Variants in RGS6 observed in about 807,000 individuals in gnomAD.
The protein encoded by RGS6 is regulator of G-protein signaling 6.
In RGS6, 30 loss-of-function variants were observed where a neutral mutation model predicts 78.5. The observed-to-expected ratio is 0.38, with a 90% CI of 0.29 to 0.52. RGS6 has a LOEUF of 0.52. Ranked by LOEUF, RGS6 falls within the 20% of genes least tolerant of loss-of-function variation. RGS6 has a pLI of 0.85. For synonymous variants in RGS6, 206 were observed against 206.0 expected (o/e 1.00, Z 0.00); for missense variants, 495 against 609.7 (o/e 0.81, Z 1.98).
At chr14:72,247,524 A>G (rs1460886970) in intron 2 of RGS6, among the ~76,000 whole-genome samples, 1 of 152,212 alleles carries the variant, frequency 6.6e-6, no homozygotes, top group Non-Finnish European at 1.5e-5. Flanking sequence ...AGAGGCACAC[A>G]AGGAGAGATA....
chr14:72,112,108 G>A (rs1236201734), intron 2 of RGS6, among the ~76,000 whole-genome samples: 2 of 152,180 alleles, frequency 1.3e-5, no homozygotes, highest in African/African-American at 4.8e-5. Flanking sequence ...GATGGTCCCT[G>A]TCACATTAGC....
intron 2 of RGS6, among the ~76,000 whole-genome samples, chr14:72,342,725 CAAAAAAAA>C (rs58717636): frequency 1.4e-5 from 1 of 71,412 alleles, no homozygotes; most frequent in African/African-American, 5.9e-5. Context: ...GGCTTTGTCT[CAAAAAAAA>C]AAAAAAAAAA....
intron 2 of RGS6, among the ~76,000 whole-genome samples, chr14:72,114,569 A>G (rs528287389): frequency 5.3e-5 from 8 of 152,352 alleles, no homozygotes; most frequent in South Asian, 2.1e-4. Context: ...CCTAGAACAC[A>G]GTATGCCAGC....
chr14:72,475,754 A>G (rs1343137226), intron 10 of RGS6, among the ~76,000 whole-genome samples: 1 of 151,676 alleles, frequency 6.6e-6, no homozygotes, highest in Non-Finnish European at 1.5e-5. Context: ...AAGAGTGGAG[A>G]TGTGTCCCCA....
intron 1 of RGS6, among the ~76,000 whole-genome samples, chr14:71,958,183 A>G (rs2092933992): frequency 6.6e-6 from 1 of 152,138 alleles, no homozygotes; most frequent in Non-Finnish European, 1.5e-5. Flanking sequence ...GGAAACACAG[A>G]TTAGTTGAGG....
the RGS6 span, among the ~76,000 whole-genome samples, chr14:71,871,075 C>T: frequency 8.5e-5 from 13 of 152,170 alleles, no homozygotes; most frequent in African/African-American, 3.1e-4. Flanking sequence ...ACTTGTGGCA[C>T]AGAATGGAAC....
At chr14:72,169,738 C>G (rs1410411956) in intron 2 of RGS6, among the ~76,000 whole-genome samples, 1 of 152,192 alleles carries the variant, frequency 6.6e-6, no homozygotes, top group African/African-American at 2.4e-5. Context: ...CAATGGGATG[C>G]TAGTGGAGGT....
In RGS6 at chr14:72,518,396, T is replaced by C. The variant is rs777923586; in HGVS notation, c.1137T>C (p.Asp379=). ...ATCTTAAGAAACAACCCCTACAGGA[T>C]GTGGCCAAGAGGGTAGAAGAAATCT... is the stretch of plus-strand genomic sequence containing the variant. ...VQDLKKQPLQ[D]VAKRVEEIWQ... The change falls in exon 15 of 18, where the codon GAT becomes GAC. Residue 379 remains aspartate, a synonymous_variant. Transcript: ENST00000553525. 6.2e-7 allele frequency: 1 copy of C among 1,614,166 alleles called. No homozygotes were observed. The highest frequency in any genetic ancestry group is 8.5e-7 in the Non-Finnish European group (1 of 1,180,016).
chr14:72,547,412 C>T (rs1262702033), intron 17 of RGS6: 2 of 1,244,098 alleles, frequency 1.6e-6, no homozygotes, highest in African/African-American at 1.6e-5. Context: ...AAAATGAGCT[C>T]CTGGTGGAAA....
chr14:72,092,001 CTTTTGTTTTG>C (rs10595733), intron 2 of RGS6, among the ~76,000 whole-genome samples: 93,973 of 150,596 alleles, frequency 0.62, 29,650 homozygotes, highest in Admixed American at 0.7. Context: ...TAGCTTCAGC[CTTTTGTTTTG>C]TTTTGTTTTG....
At chr14:72,544,104 A>G (rs1319022191) in intron 17 of RGS6, among the ~76,000 whole-genome samples, 2 of 152,124 alleles carry the variant, frequency 1.3e-5, no homozygotes, top group Admixed American at 1.3e-4. Context: ...GGGCCTCACC[A>G]AAGAGGGCCT....
At chr14:72,097,356 C>A (rs569658539) in intron 2 of RGS6, among the ~76,000 whole-genome samples, 177 of 151,702 alleles carry the variant, frequency 1.2e-3, no homozygotes, top group African/African-American at 4.3e-3. Context: ...CAGCATCTTT[C>A]TTTGTGCCAA....
At chr14:72,128,811 G>A (rs572189278) in intron 2 of RGS6, among the ~76,000 whole-genome samples, 6 of 152,286 alleles carry the variant, frequency 3.9e-5, no homozygotes, top group African/African-American at 1.4e-4. Context: ...CAACGTATGC[G>A]TGTGCATCTT....
chr14:71,950,184 C>G (rs1358780118), intron 1 of RGS6, among the ~76,000 whole-genome samples: 2 of 152,164 alleles, frequency 1.3e-5, no homozygotes, highest in Non-Finnish European at 2.9e-5. Context: ...AACTATACTA[C>G]AAAGTGACAG....
the RGS6 span, among the ~76,000 whole-genome samples, chr14:71,891,500 AC>A: frequency 6.6e-6 from 1 of 152,188 alleles, no homozygotes; most frequent in Admixed American, 6.5e-5. Flanking sequence ...CTGATTTCTT[AC>A]ATGGCAACTG....
At chr14:72,269,991 AG>A (rs1375734627) in intron 2 of RGS6, among the ~76,000 whole-genome samples, 4 of 152,210 alleles carry the variant, frequency 2.6e-5, no homozygotes, top group Admixed American at 6.5e-5. Context: ...TACGTTTTGA[AG>A]GGGGGATACA....
At chr14:72,531,112 G>A (rs1223116846) in intron 15 of RGS6, among the ~76,000 whole-genome samples, 1 of 152,178 alleles carries the variant, frequency 6.6e-6, no homozygotes, top group Non-Finnish European at 1.5e-5. Context: ...GAATACGTCT[G>A]GACTATCCAA....
chr14:72,241,590 A>G (rs945344169), intron 2 of RGS6, among the ~76,000 whole-genome samples: 1 of 152,280 alleles, frequency 6.6e-6, no homozygotes, highest in Non-Finnish European at 1.5e-5. Flanking sequence ...AGATCACACA[A>G]TGTTATGGTT....
At chr14:72,101,230 A>G (rs2095521309) in intron 2 of RGS6, among the ~76,000 whole-genome samples, 1 of 152,218 alleles carries the variant, frequency 6.6e-6, no homozygotes, top group Non-Finnish European at 1.5e-5. Context: ...ATTTGTGGCC[A>G]GGTCTGACAG....
Sources: gnomAD v4.1 joint callset for allele counts (sites outside exome capture counted in the v4.1 genomes callset) on GRCh38, gnomAD v4.1.1 for gene constraint, MANE v1.5 for transcripts, NCBI Gene and HGNC (gene_info 2026-07-23, HGNC 2026-07-21) for gene names.